Variants in CREBBP observed in about 807,000 individuals in gnomAD.
CREBBP encodes CREB-binding protein.
CREBBP carries 19 observed loss-of-function variants against 265.0 expected under a neutral mutation model. That is an observed-to-expected ratio of 0.07 (90% confidence interval 0.05 to 0.11). CREBBP has a LOEUF of 0.11. Among genes scored for constraint, CREBBP ranks in the 10% least tolerant of loss-of-function variants. The pLI, the probability that CREBBP is intolerant of heterozygous loss-of-function variation, is 1.00. For synonymous variants in CREBBP, 1,457 were observed against 1,223.7 expected (o/e 1.19, Z -3.98); for missense variants, 2,525 against 3,219.0 (o/e 0.78, Z 5.22).
chr16:3,762,904 C>T (rs562809520), intron 16 of CREBBP, among the ~76,000 whole-genome samples: 18 of 151,804 alleles, frequency 1.2e-4, no homozygotes, highest in Non-Finnish European at 2.4e-4. Context: ...CCTCCCGAGT[C>T]GCTGGGACTA....
At chr16:3,853,895 C>A (rs1199333553) in intron 1 of CREBBP, among the ~76,000 whole-genome samples, 1 of 152,036 alleles carries the variant, frequency 6.6e-6, no homozygotes, top group Non-Finnish European at 1.5e-5. Flanking sequence ...TGAGATATCG[C>A]CATTGCACTC....
intron 2 of CREBBP, among the ~76,000 whole-genome samples, chr16:3,836,519 T>C (rs972444884): frequency 5.3e-5 from 8 of 150,786 alleles, no homozygotes; most frequent in African/African-American, 2.0e-4. Context: ...AAGGGAGGCA[T>C]ACAAAGGAAC....
intron 21 of CREBBP, among the ~76,000 whole-genome samples, chr16:3,746,666 G>A (rs990405695): frequency 6.6e-6 from 1 of 152,232 alleles, no homozygotes; most frequent in East Asian, 1.9e-4. Flanking sequence ...CTACACTGGG[G>A]ACAGGTGCAG....
At chr16:3,817,320 C>A (rs1428906150) in intron 2 of CREBBP, among the ~76,000 whole-genome samples, 1 of 152,072 alleles carries the variant, frequency 6.6e-6, no homozygotes, top group South Asian at 2.1e-4. Context: ...TGGCTGCCAA[C>A]AGCCTCCTCT....
chr16:3,816,903 C>T (rs1421146083), intron 2 of CREBBP, among the ~76,000 whole-genome samples: 1 of 152,098 alleles, frequency 6.6e-6, no homozygotes, highest in African/African-American at 2.4e-5. Flanking sequence ...AGGAGGTGGT[C>T]AAAGAACCAC....
At chr16:3,757,659 A>G in intron 18 of CREBBP, 150 bp downstream of exon 18, 1 of 1,207,258 alleles carries the variant, frequency 8.3e-7, no homozygotes, top group South Asian at 1.3e-5. Flanking sequence ...CTGATCACCC[A>G]TCACATCGCT....
chr16:3,780,499 C>A (rs2053248282), intron 8 of CREBBP, among the ~76,000 whole-genome samples: 1 of 152,140 alleles, frequency 6.6e-6, no homozygotes, highest in African/African-American at 2.4e-5. Context: ...CAAGTCAGTG[C>A]CCCTCGGCAG....
rs780402852 is a variant in CREBBP, at chr16:3,782,963, G to C, written c.1331-37C>G. On this transcript the variant is annotated intron_variant, in intron 5 of 30. Transcript: ENST00000262367. Reference sequence around the variant, plus strand: ...AACAGACAGACAGACAAAAACGAGAGGTAAGTAAAAGGGAGAAGCCCACGA... The same window carrying C: ...AACAGACAGACAGACAAAAACGAGACGTAAGTAAAAGGGAGAAGCCCACGA... The C allele has an allele frequency of 2.5e-6, 4 of 1,613,706 alleles. No homozygotes were observed. In the African/African-American group the frequency reaches 4.0e-5, roughly 16 times the overall value.
chr16:3,816,756 C>G (rs948866804), intron 2 of CREBBP, among the ~76,000 whole-genome samples: 1 of 152,142 alleles, frequency 6.6e-6, no homozygotes, highest in Non-Finnish European at 1.5e-5. Context: ...GGTCACAAAA[C>G]TAGGATAAAA....
intron 2 of CREBBP, among the ~76,000 whole-genome samples, chr16:3,815,034 A>T (rs1208647669): frequency 6.6e-6 from 1 of 152,218 alleles, no homozygotes; most frequent in African/African-American, 2.4e-5. Context: ...CCTAGCCTGC[A>T]GTTATGAATA....
At chr16:3,744,772 G>A (rs763103053) in intron 23 of CREBBP, 122 bp downstream of exon 23, 8 of 802,378 alleles carry the variant, frequency 1.0e-5, no homozygotes, top group African/African-American at 5.1e-5. Context: ...AAAAACTAAC[G>A]AAAATCTTTG....
intron 1 of CREBBP, among the ~76,000 whole-genome samples, chr16:3,853,426 C>T (rs1251167317): frequency 2.0e-5 from 3 of 149,492 alleles, no homozygotes; most frequent in African/African-American, 7.4e-5. Flanking sequence ...CTGGCTAACA[C>T]GGTGAAACCC....
rs765101871 is a variant in CREBBP at position 3,729,013 on chromosome 16, C to A, written c.6034G>T (p.Val2012Phe). The A allele has an allele frequency of 1.3e-6, 2 of 1,591,622 alleles. No homozygotes were observed. The highest frequency in any genetic ancestry group is 8.5e-7 in the Non-Finnish European group (1 of 1,174,586). The part of the protein sequence containing the change: ...VPRPNQVSGP[V>F]MPSMPPGQWQ... ...TGCCCGGGAGGCATGCTGGGCATGA[C>A]GGGCCCGCTCACCTGGTTGGGTCGG... Residue 2012 changes from valine (V) to phenylalanine (F), a missense_variant, in exon 31 of 31, where the codon GTC (valine) becomes TTC (phenylalanine). By Grantham distance (50) the Val-to-Phe change is conservative (BLOSUM62 -1). Transcript: ENST00000262367.
intron 2 of CREBBP, among the ~76,000 whole-genome samples, chr16:3,837,746 AAAG>A (rs1325690203): frequency 6.6e-6 from 1 of 152,072 alleles, no homozygotes; most frequent in Non-Finnish European, 1.5e-5. Flanking sequence ...TGTTAATACA[AAAG>A]AATAAAAAAG....
At chr16:3,794,513 A>G (rs2053570438) in intron 3 of CREBBP, among the ~76,000 whole-genome samples, 1 of 152,222 alleles carries the variant, frequency 6.6e-6, no homozygotes, top group East Asian at 1.9e-4. Flanking sequence ...CTCTCCTAAA[A>G]GAATAATGAC....
rs145724767 is a variant in CREBBP at position 3,820,293 on chromosome 16, T to C, written c.799-9514A>G. 3.7e-4 allele frequency among the ~76,000 whole-genome samples: 57 copies of C among 152,374 alleles called. No homozygotes were observed. The East Asian group carries it at 8.9e-3, about 24-fold the overall frequency. ...TCGCTTGCTCTTGGAATCCTTCCAGTATATCAACTTGGTAAATATAGAGTA... is the reference window on the plus strand; with the variant it reads ...TCGCTTGCTCTTGGAATCCTTCCAGCATATCAACTTGGTAAATATAGAGTA... On this transcript the variant is annotated intron_variant, in intron 2 of 30. Coordinates refer to ENST00000262367, the MANE Select transcript of CREBBP (RefSeq NM_004380.3).
intron 20 of CREBBP, among the ~76,000 whole-genome samples, chr16:3,750,416 T>C (rs1453481375): frequency 6.6e-6 from 1 of 152,096 alleles, no homozygotes; most frequent in Non-Finnish European, 1.5e-5. Flanking sequence ...TTCCTTTCTG[T>C]TGGGGAAGTC....
In CREBBP at chr16:3,800,715, T is replaced by C. The variant is rs558734976; in HGVS notation, c.976-7089A>G. ...GCCTGGGCAACATAGCAAGACCCTG[T>C]TGCTAAAAAAAGACAAAAACAAAAT... On this transcript the variant is annotated intron_variant, in intron 3 of 30. Transcript: ENST00000262367. Among the ~76,000 whole-genome samples the C allele has an allele frequency of 1.6e-3, 238 of 152,088 alleles. 2 individuals are homozygous for C. The highest frequency in any genetic ancestry group is 3.4e-4 in the Non-Finnish European group (23 of 68,006).
At chr16:3,810,561 C>G (rs2053918021) in intron 3 of CREBBP, 42 bp downstream of exon 3, 1 of 1,606,058 alleles carries the variant, frequency 6.2e-7, no homozygotes, top group East Asian at 2.2e-5. Context: ...GACCACAGCA[C>G]CCACCGGAGA....
Sources: allele counts gnomAD v4.1 joint callset (sites outside exome capture counted in the v4.1 genomes callset), GRCh38; gene constraint gnomAD v4.1.1; transcripts MANE v1.5; gene names NCBI Gene and HGNC (gene_info 2026-07-23, HGNC 2026-07-21).